Variants in PLOD2 observed in about 807,000 individuals in gnomAD.
PLOD2 encodes the protein procollagen-lysine,2-oxoglutarate 5-dioxygenase 2.
Under a neutral mutation model 101.0 loss-of-function variants are expected in PLOD2, and 65 were observed. That is an observed-to-expected ratio of 0.64 (90% CI 0.53 to 0.79). The LOEUF is 0.79. Ranked by LOEUF, PLOD2 falls within the 30% of genes least tolerant of loss-of-function variation. PLOD2 has a pLI of 0.00. For synonymous variants in PLOD2, 314 were observed against 302.9 expected (o/e 1.04, Z -0.38); for missense variants, 909 against 914.6 (o/e 0.99, Z 0.08).
At chr3:146,106,235 A>G (rs561833290) in intron 5 of PLOD2, among the ~76,000 whole-genome samples, 3 of 152,182 alleles carry the variant, frequency 2.0e-5, no homozygotes. Flanking sequence ...GTTTCAATAC[A>G]TATAGCACTG....
rs1372790072 is a variant in PLOD2 at position 146,081,515 on chromosome 3, C to T, written c.1358+223G>A. Among the ~76,000 whole-genome samples the T allele has an allele frequency of 2.6e-5, 4 of 152,114 alleles. No individual in the cohort carries two copies. In the East Asian group the frequency reaches 7.7e-4, roughly 29 times the overall value. ...ATATATTATCTCTTAGTATTCCCCA[C>T]AGCAATGAGCTTGTTCCTTTGAAGA... On this transcript the variant is annotated intron_variant, in intron 12 of 19. Coordinates refer to ENST00000282903, the MANE Select transcript of PLOD2 (RefSeq NM_182943.3).
chr3:146,080,820 T>C (rs1000856876), intron 12 of PLOD2, among the ~76,000 whole-genome samples: 2 of 152,182 alleles, frequency 1.3e-5, no homozygotes, highest in African/African-American at 4.8e-5. Flanking sequence ...TCTCCTCCAC[T>C]GTGCATTTTA....
intron 17 of PLOD2, 29 bp downstream of exon 17, chr3:146,072,532 T>G: frequency 7.4e-7 from 1 of 1,342,684 alleles, no homozygotes; most frequent in Non-Finnish European, 1.1e-6. Context: ...CACATACATT[T>G]TAGTTCTTAG....
At chr3:146,132,442 T>C (rs539301839) in intron 1 of PLOD2, among the ~76,000 whole-genome samples, 3 of 152,268 alleles carry the variant, frequency 2.0e-5, no homozygotes, top group South Asian at 4.2e-4. Context: ...TGTAGAAGGA[T>C]AGATCAAGAC....
intron 1 of PLOD2, among the ~76,000 whole-genome samples, chr3:146,140,892 C>T (rs2031490355): frequency 6.6e-6 from 1 of 151,980 alleles, no homozygotes; most frequent in South Asian, 2.1e-4. Flanking sequence ...TAATAAGTGG[C>T]CCCAGACAGA....
chr3:146,101,060 C>T (rs1352202045), intron 7 of PLOD2, among the ~76,000 whole-genome samples: 1 of 152,070 alleles, frequency 6.6e-6, no homozygotes, highest in Non-Finnish European at 1.5e-5. Context: ...CAAAACAAAA[C>T]CCAGGTTCTG....
At chr3:146,148,847 T>C (rs2031921688) in intron 1 of PLOD2, among the ~76,000 whole-genome samples, 1 of 152,170 alleles carries the variant, frequency 6.6e-6, no homozygotes, top group African/African-American at 2.4e-5. Context: ...ACTGTCTCAG[T>C]GTATATGTTG....
intron 1 of PLOD2, among the ~76,000 whole-genome samples, chr3:146,145,587 A>ATTG (rs1278450404): frequency 1.3e-5 from 2 of 152,198 alleles, no homozygotes; most frequent in Non-Finnish European, 2.9e-5. Context: ...GAAACTACAA[A>ATTG]AGTAAAAAAC....
At chr3:146,079,601 T>C (rs1431853833) in intron 12 of PLOD2, among the ~76,000 whole-genome samples, 1 of 151,974 alleles carries the variant, frequency 6.6e-6, no homozygotes, top group Non-Finnish European at 1.5e-5. Context: ...AAGAATTTGA[T>C]AGCATGAATC....
intron 10 of PLOD2, 54 bp downstream of exon 10, chr3:146,086,733 T>C: frequency 8.1e-7 from 1 of 1,233,358 alleles, no homozygotes. Context: ...TTATTTTTTC[T>C]TAACGTTTCC....
At chr3:146,088,744 A>G (rs1285942397) in intron 8 of PLOD2, 33 bp from the exon 9 acceptor site, 3 of 1,526,290 alleles carry the variant, frequency 2.0e-6, no homozygotes, top group Middle Eastern at 1.7e-4. Context: ...AAATAAAATT[A>G]TCATTAGTAT....
intron 5 of PLOD2, among the ~76,000 whole-genome samples, chr3:146,105,511 G>A (rs1937521309): frequency 6.6e-6 from 1 of 152,146 alleles, no homozygotes; most frequent in African/African-American, 2.4e-5. Flanking sequence ...ATAATCTCCA[G>A]GCTCCAAATC....
intron 1 of PLOD2, among the ~76,000 whole-genome samples, chr3:146,141,904 TTA>T (rs1314026297): frequency 1.8e-4 from 27 of 152,086 alleles, no homozygotes; most frequent in African/African-American, 6.3e-4. Flanking sequence ...AATTGGAAGT[TTA>T]TGAAAAAAAT....
chr3:146,096,884 G>GGGGAGA (rs1553733076), intron 7 of PLOD2, among the ~76,000 whole-genome samples: 3 of 100,712 alleles, frequency 3.0e-5, no homozygotes, highest in Non-Finnish European at 4.5e-5. Context: ...GGGAGGTGGG[G>GGGGAGA]GGGGGGAGTC....
Position 146,110,377 on chromosome 3 carries a change from A to G in PLOD2, c.410T>C (p.Val137Ala), listed in dbSNP as rs749864323. The part of the protein sequence containing the change: ...KKFQKANHKV[V>A]FAADGILWPD... ...CCACAAAATTCCATCTGCTGCAAAG[A>G]CCACTTTGTGGTTTGCCTTTTGGAA... The change falls in exon 4 of 20, where the codon GTC (valine) becomes GCC (alanine). Residue 137 changes from valine to alanine, a missense_variant. Coordinates refer to ENST00000282903, the MANE Select transcript of PLOD2 (RefSeq NM_182943.3). 6.2e-7 allele frequency: 1 copy of G among 1,613,600 alleles called. No individual in the cohort carries two copies. Among genetic ancestry groups the G allele is most frequent in the Non-Finnish European group, 8.5e-7 (1 of 1,179,624 alleles).
intron 1 of PLOD2, among the ~76,000 whole-genome samples, chr3:146,156,538 C>T (rs2108150279): frequency 6.6e-6 from 1 of 152,314 alleles, no homozygotes; most frequent in Admixed American, 6.5e-5. Context: ...AAAATGTAAA[C>T]ATCTCTGTTA....
chr3:146,158,120 C>G (rs753648401), intron 1 of PLOD2, among the ~76,000 whole-genome samples: 2 of 152,026 alleles, frequency 1.3e-5, no homozygotes, highest in Non-Finnish European at 2.9e-5. Flanking sequence ...GGAGACATGA[C>G]GGCAAAGACT....
chr3:146,142,157 T>G (rs573404417), intron 1 of PLOD2, among the ~76,000 whole-genome samples: 20 of 152,114 alleles, frequency 1.3e-4, no homozygotes, highest in Non-Finnish European at 2.6e-4. Context: ...CCCTTGAAAG[T>G]ATCTCTAAAT....
At chr3:146,140,725 A>C (rs1342039633) in intron 1 of PLOD2, among the ~76,000 whole-genome samples, 3 of 152,100 alleles carry the variant, frequency 2.0e-5, no homozygotes, top group African/African-American at 7.2e-5. Flanking sequence ...TCTATTAATA[A>C]TGTTAATAAT....
Sources: gnomAD v4.1 joint callset for allele counts (sites outside exome capture counted in the v4.1 genomes callset) on GRCh38, gnomAD v4.1.1 for gene constraint, MANE v1.5 for transcripts, NCBI Gene and HGNC (gene_info 2026-07-23, HGNC 2026-07-21) for gene names.